Variants in C20orf203 observed in about 807,000 individuals in gnomAD.
C20orf203 encodes the protein chromosome 20 open reading frame 203, also known as uncharacterized protein C20orf203.
A neutral mutation model predicts 15.9 loss-of-function variants in C20orf203; 16 were observed. The observed-to-expected ratio is 1.01, with a 90% CI of 0.68 to 1.53. C20orf203 has a LOEUF of 1.53. C20orf203 is among the 40% of genes most tolerant of loss of function. The pLI, the probability that C20orf203 is intolerant of heterozygous loss-of-function variation, is 0.00. For synonymous variants in C20orf203, 98 were observed against 97.2 expected (o/e 1.01, Z -0.05); for missense variants, 263 against 247.5 (o/e 1.06, Z -0.42).
chr20:32,669,587 T>C (rs1983114219), intron 1 of C20orf203, among the ~76,000 whole-genome samples: 1 of 152,200 alleles, frequency 6.6e-6, no homozygotes, highest in Non-Finnish European at 1.5e-5. Context: ...CGACAAATGG[T>C]GCTGGAAAAA....
At chr20:32,642,728 G>A (rs543366824) in intron 4 of C20orf203, among the ~76,000 whole-genome samples, 39 of 152,228 alleles carry the variant, frequency 2.6e-4, no homozygotes, top group African/African-American at 9.2e-4. Flanking sequence ...GCCAGCCTCT[G>A]GCCCCAGAAA....
chr20:32,640,385 CATA>C (rs1982248691), intron 5 of C20orf203, among the ~76,000 whole-genome samples, 178 bp downstream of exon 5: 1 of 152,078 alleles, frequency 6.6e-6, no homozygotes, highest in Non-Finnish European at 1.5e-5. Flanking sequence ...AAGCCATCAC[CATA>C]ATCAACTTTA....
At chr20:32,643,529 T>C (rs963173253) in intron 4 of C20orf203, among the ~76,000 whole-genome samples, 1 of 151,924 alleles carries the variant, frequency 6.6e-6, no homozygotes, top group African/African-American at 2.4e-5. Flanking sequence ...GTGGATCCCA[T>C]GGACTTCTAA....
At chr20:32,669,183 C>T in intron 1 of C20orf203, among the ~76,000 whole-genome samples, 1 of 152,204 alleles carries the variant, frequency 6.6e-6, no homozygotes, top group South Asian at 2.1e-4. Context: ...AGGCAAGGGG[C>T]TTGGCCTCTC....
At chr20:32,672,803 C>T (rs1295656801) in intron 1 of C20orf203, among the ~76,000 whole-genome samples, 1 of 152,120 alleles carries the variant, frequency 6.6e-6, no homozygotes, top group African/African-American at 2.4e-5. Flanking sequence ...AAAAGTGCTT[C>T]TCTCCCTGAC....
At chr20:32,651,639 C>T (rs8125402) in intron 2 of C20orf203, 94 bp downstream of exon 2, 3,233 of 152,538 alleles carry the variant, frequency 0.021, 125 homozygotes, top group African/African-American at 0.073. Context: ...GTGTCCAGCA[C>T]AGCAACTGGT....
intron 1 of C20orf203, among the ~76,000 whole-genome samples, chr20:32,666,891 C>A (rs1050359795): frequency 1.4e-5 from 2 of 144,730 alleles, no homozygotes; most frequent in African/African-American, 5.0e-5. Context: ...TCAAGCAATC[C>A]TCCCACCTCG....
At chr20:32,655,252 A>G (rs1355522335) in intron 1 of C20orf203, among the ~76,000 whole-genome samples, 1 of 150,600 alleles carries the variant, frequency 6.6e-6, no homozygotes, top group East Asian at 1.9e-4. Flanking sequence ...GCAACCAAAG[A>G]AAAAATAGAC....
At chr20:32,661,432 C>T (rs1469256814) in intron 1 of C20orf203, among the ~76,000 whole-genome samples, 1 of 152,220 alleles carries the variant, frequency 6.6e-6, no homozygotes, top group African/African-American at 2.4e-5. Context: ...GTGAGAAGCT[C>T]AAGGCCCCTG....
chr20:32,663,973 T>A (rs898412894), intron 1 of C20orf203, among the ~76,000 whole-genome samples: 8 of 152,266 alleles, frequency 5.3e-5, no homozygotes, highest in African/African-American at 1.7e-4. Context: ...ACATTCATTA[T>A]CTGCTGTACG....
chr20:32,640,216 A>T (rs534230291), intron 5 of C20orf203, among the ~76,000 whole-genome samples: 2 of 152,318 alleles, frequency 1.3e-5, no homozygotes, highest in African/African-American at 4.8e-5. Context: ...TCCCTAGGTG[A>T]TAGGATCAAG....
intron 5 of C20orf203, among the ~76,000 whole-genome samples, chr20:32,635,690 A>C (rs534270338): frequency 8.3e-4 from 127 of 152,222 alleles, no homozygotes; most frequent in Non-Finnish European, 1.4e-3. Flanking sequence ...GTGTGCCTGT[A>C]GTCCCAGCTA....
At chr20:32,641,333 CA>C (rs71338447) in intron 4 of C20orf203, among the ~76,000 whole-genome samples, 841 of 56,972 alleles carry the variant, frequency 0.015, 3 homozygotes, top group African/African-American at 0.032. Context: ...CTCAAAAACT[CA>C]AAAAAAAAAA....
chr20:32,654,959 T>C (rs1042393891), intron 1 of C20orf203, among the ~76,000 whole-genome samples: 19 of 152,092 alleles, frequency 1.2e-4, no homozygotes, highest in Non-Finnish European at 8.8e-5. Flanking sequence ...AGGACAGACA[T>C]AGAGATCAAT....
At chr20:32,661,748 G>T (rs1234680299) in intron 1 of C20orf203, among the ~76,000 whole-genome samples, 1 of 152,138 alleles carries the variant, frequency 6.6e-6, no homozygotes, top group Non-Finnish European at 1.5e-5. Context: ...CACCCATTCA[G>T]GATGCAGCCA....
At chr20:32,639,510 G>A (rs1156725471) in intron 5 of C20orf203, among the ~76,000 whole-genome samples, 1 of 152,004 alleles carries the variant, frequency 6.6e-6, no homozygotes, top group Non-Finnish European at 1.5e-5. Flanking sequence ...GCATGGTGGT[G>A]TTGGCCTGTA....
At chr20:32,663,280 T>G (rs116749326) in intron 1 of C20orf203, among the ~76,000 whole-genome samples, 4,230 of 150,658 alleles carry the variant, frequency 0.028, 203 homozygotes, top group African/African-American at 0.097. Flanking sequence ...TTTTAAAAAC[T>G]ACTGAATTCC....
chr20:32,659,450 A>G (rs1217354085), intron 1 of C20orf203, among the ~76,000 whole-genome samples: 1 of 152,184 alleles, frequency 6.6e-6, no homozygotes, highest in Non-Finnish European at 1.5e-5. Context: ...TACCTGATTC[A>G]TTTTATTTCC....
At chr20:32,669,915 T>C (rs1390436935) in intron 1 of C20orf203, among the ~76,000 whole-genome samples, 1 of 152,200 alleles carries the variant, frequency 6.6e-6, no homozygotes, top group East Asian at 1.9e-4. Context: ...AAGAAGTTAA[T>C]ATCCGGCCGG....
Sources: allele counts gnomAD v4.1 joint callset (sites outside exome capture counted in the v4.1 genomes callset), GRCh38; gene constraint gnomAD v4.1.1; transcripts MANE v1.5; gene names NCBI Gene and HGNC (gene_info 2026-07-23, HGNC 2026-07-21).